Variants in RSPO2 observed in about 807,000 individuals in gnomAD.
The protein encoded by RSPO2 is R-spondin 2, also known as R-spondin-2.
Under a neutral mutation model 30.9 loss-of-function variants are expected in RSPO2, and 14 were observed. The observed-to-expected ratio is 0.45, with a 90% CI of 0.30 to 0.71. The LOEUF is 0.71. Ranked by LOEUF, RSPO2 falls within the 30% of genes least tolerant of loss-of-function variation. RSPO2 has a pLI of 0.08. For missense variants in RSPO2, 264 were observed against 301.9 expected, an observed-to-expected ratio of 0.87 and a Z score of 0.93; for synonymous variants, 107 against 96.4, an observed-to-expected ratio of 1.11 and a Z score of -0.64.
At chr8:108,071,883 T>C (rs1812857723) in intron 2 of RSPO2, among the ~76,000 whole-genome samples, 1 of 152,176 alleles carries the variant, frequency 6.6e-6, no homozygotes, top group Admixed American at 6.5e-5. Context: ...TCTTTTAATG[T>C]CTGTTTAGGT....
chr8:108,059,801 A>G (rs1812389308), intron 2 of RSPO2, among the ~76,000 whole-genome samples: 1 of 141,756 alleles, frequency 7.1e-6, no homozygotes, highest in Admixed American at 7.6e-5. Context: ...GAATTGAACA[A>G]TGAGAACACA....
At chr8:108,013,795 T>C (rs1034209419) in intron 2 of RSPO2, among the ~76,000 whole-genome samples, 12 of 152,072 alleles carry the variant, frequency 7.9e-5, no homozygotes, top group Non-Finnish European at 5.9e-5. Flanking sequence ...GTATGTGCAA[T>C]GACTTCATAA....
chr8:107,950,840 T>C (rs1813219168), intron 5 of RSPO2, among the ~76,000 whole-genome samples: 2 of 152,150 alleles, frequency 1.3e-5, no homozygotes, highest in African/African-American at 4.8e-5. Flanking sequence ...TGAATCATGC[T>C]GAGATTTTAG....
chr8:107,959,677 C>T (rs564868558), intron 4 of RSPO2, among the ~76,000 whole-genome samples: 57 of 152,242 alleles, frequency 3.7e-4, no homozygotes, highest in African/African-American at 1.3e-3. Context: ...GTGTGTCCTG[C>T]CTCTCAAAAG....
chr8:107,946,991 C>A (rs1032018651), intron 5 of RSPO2, among the ~76,000 whole-genome samples: 1 of 152,142 alleles, frequency 6.6e-6, no homozygotes, highest in South Asian at 2.1e-4. Context: ...TAAGCAGAAC[C>A]GGTCAAGGGA....
At chr8:107,912,589 T>C (rs1029231941) in intron 5 of RSPO2, among the ~76,000 whole-genome samples, 2 of 152,200 alleles carry the variant, frequency 1.3e-5, no homozygotes, top group Admixed American at 1.3e-4. Flanking sequence ...CTACAGAATA[T>C]CTCTATTCAT....
At chr8:107,920,745 T>G (rs2130306971) in intron 5 of RSPO2, among the ~76,000 whole-genome samples, 1 of 152,264 alleles carries the variant, frequency 6.6e-6, no homozygotes, top group East Asian at 1.9e-4. Flanking sequence ...TGCATAATGT[T>G]ATTCAGGTAA....
chr8:108,027,864 T>C (rs771693685), intron 2 of RSPO2, among the ~76,000 whole-genome samples: 1 of 152,236 alleles, frequency 6.6e-6, no homozygotes, highest in Non-Finnish European at 1.5e-5. Flanking sequence ...GTAACCTTCA[T>C]ACCTTTCAAA....
intron 2 of RSPO2, among the ~76,000 whole-genome samples, chr8:108,028,894 G>A (rs1811311788): frequency 6.6e-6 from 1 of 151,890 alleles, no homozygotes. Flanking sequence ...CACTTTCATA[G>A]CACATTGTAC....
intron 2 of RSPO2, among the ~76,000 whole-genome samples, chr8:108,080,500 G>A (rs990439130): frequency 6.6e-6 from 1 of 152,184 alleles, no homozygotes; most frequent in Admixed American, 6.5e-5. Context: ...ATCGTTACAA[G>A]AGATTTTGCT....
At chr8:107,944,015 G>C (rs1166873354) in intron 5 of RSPO2, among the ~76,000 whole-genome samples, 1 of 152,102 alleles carries the variant, frequency 6.6e-6, no homozygotes, top group African/African-American at 2.4e-5. Flanking sequence ...ATTTCTTTTA[G>C]AGTTTTCAAG....
rs568066565 is a variant in RSPO2, at chr8:108,033,206, T to C, written c.95-43962A>G. On this transcript the variant is annotated intron_variant, in intron 2 of 5. Transcript: ENST00000276659. ...GTAAGCCACCGTGCCCAGTCTAGCA[T>C]TTCTTATTGTATACTGCAGCAAAAA... 1.5e-3 allele frequency among the ~76,000 whole-genome samples: 230 copies of C among 152,230 alleles called. 2 individuals are homozygous for C. The highest frequency in any genetic ancestry group is 3.4e-3 in the Middle Eastern group (1 of 294).
chr8:108,005,013 G>GA (rs1425553312), intron 2 of RSPO2, among the ~76,000 whole-genome samples: 1 of 152,146 alleles, frequency 6.6e-6, no homozygotes, highest in Non-Finnish European at 1.5e-5. Flanking sequence ...TGATGGGTTT[G>GA]AAAATCATAT....
intron 5 of RSPO2, among the ~76,000 whole-genome samples, chr8:107,950,032 C>G (rs573978896): frequency 1.3e-5 from 2 of 152,288 alleles, no homozygotes; most frequent in South Asian, 4.1e-4. Flanking sequence ...ATGTGATTCC[C>G]CACTTGAGAA....
intron 5 of RSPO2, among the ~76,000 whole-genome samples, chr8:107,905,643 GA>G (rs1811614329): frequency 6.6e-6 from 1 of 152,014 alleles, no homozygotes; most frequent in African/African-American, 2.4e-5. Context: ...TTAGGGACAA[GA>G]AACCTGTGTA....
chr8:107,990,807 T>C (rs1315063057), intron 2 of RSPO2, among the ~76,000 whole-genome samples: 4 of 152,112 alleles, frequency 2.6e-5, no homozygotes, highest in South Asian at 4.1e-4. Flanking sequence ...CAAACTATAC[T>C]ACAGAGCTAC....
At chr8:107,999,919 G>A (rs1409466692) in intron 2 of RSPO2, among the ~76,000 whole-genome samples, 1 of 152,066 alleles carries the variant, frequency 6.6e-6, no homozygotes, top group African/African-American at 2.4e-5. Flanking sequence ...ACCTCTGAAG[G>A]ACATTCACAA....
intron 5 of RSPO2, among the ~76,000 whole-genome samples, chr8:107,933,844 T>C (rs1325440354): frequency 6.6e-6 from 1 of 152,196 alleles, no homozygotes; most frequent in Non-Finnish European, 1.5e-5. Context: ...TTTTAAGTTG[T>C]CCAGCTCTGA....
At chr8:107,940,019 T>C (rs1263394454) in intron 5 of RSPO2, among the ~76,000 whole-genome samples, 2 of 152,108 alleles carry the variant, frequency 1.3e-5, no homozygotes, top group African/African-American at 2.4e-5. Context: ...TTCAAAGTTA[T>C]AGACTGCAGC....
Sources: gnomAD v4.1 joint callset for allele counts (sites outside exome capture counted in the v4.1 genomes callset) on GRCh38, gnomAD v4.1.1 for gene constraint, MANE v1.5 for transcripts, NCBI Gene and HGNC (gene_info 2026-07-23, HGNC 2026-07-21) for gene names.